CRTAC1: variants seen among roughly 807,000 people sequenced by gnomAD.
CRTAC1 encodes acidic secreted protein in cartilage.
A neutral mutation model predicts 67.8 loss-of-function variants in CRTAC1; 37 were observed. The observed-to-expected ratio is 0.55, with a 90% CI of 0.42 to 0.72. CRTAC1 has a LOEUF of 0.72. Among genes scored for constraint, CRTAC1 ranks in the 30% least tolerant of loss-of-function variants. CRTAC1 has a pLI of 0.00. For missense variants in CRTAC1, 780 were observed against 931.6 expected, an observed-to-expected ratio of 0.84 and a Z score of 2.12; for synonymous variants, 348 against 371.0, an observed-to-expected ratio of 0.94 and a Z score of 0.71.
intron 11 of CRTAC1, among the ~76,000 whole-genome samples, chr10:97,885,940 T>C (rs2136543543): frequency 6.6e-6 from 1 of 152,368 alleles, no homozygotes; most frequent in Admixed American, 6.5e-5. Flanking sequence ...TGCTGTTGAA[T>C]GTATATTCGC....
chr10:97,874,807 C>A (rs992077633), intron 14 of CRTAC1, among the ~76,000 whole-genome samples: 1 of 152,102 alleles, frequency 6.6e-6, no homozygotes, highest in African/African-American at 2.4e-5. Flanking sequence ...CTCAGGGAGC[C>A]CCCCTGCCCC....
intron 6 of CRTAC1, among the ~76,000 whole-genome samples, chr10:97,906,721 A>G (rs1490657802): frequency 6.6e-6 from 1 of 152,192 alleles, no homozygotes; most frequent in Non-Finnish European, 1.5e-5. Flanking sequence ...CCAGAGAAGG[A>G]TAAGAGGTAA....
At chr10:97,906,154 G>A (rs528941617) in intron 6 of CRTAC1, among the ~76,000 whole-genome samples, 2 of 152,256 alleles carry the variant, frequency 1.3e-5, no homozygotes, top group East Asian at 1.9e-4. Context: ...GTCCTCCTGG[G>A]GGAGAGAAGG....
intron 2 of CRTAC1, among the ~76,000 whole-genome samples, chr10:97,944,968 A>T (rs1331148109): frequency 6.6e-6 from 1 of 152,224 alleles, no homozygotes; most frequent in African/African-American, 2.4e-5. Context: ...TGTCACATGG[A>T]GCAGAAGAAC....
intron 8 of CRTAC1, among the ~76,000 whole-genome samples, chr10:97,900,937 T>C (rs1364700720): frequency 7.2e-6 from 1 of 138,674 alleles, no homozygotes; most frequent in Non-Finnish European, 1.5e-5. Context: ...TAGCCCCTTT[T>C]CCTGGTAGTG....
At chr10:98,007,537 A>G (rs1378094426) in intron 2 of CRTAC1, among the ~76,000 whole-genome samples, 2 of 152,346 alleles carry the variant, frequency 1.3e-5, no homozygotes, top group East Asian at 3.9e-4. Context: ...CAATTTTGCC[A>G]TCCTGTCTTC....
intron 1 of CRTAC1, among the ~76,000 whole-genome samples, chr10:98,019,263 G>C (rs549421391): frequency 4.6e-5 from 7 of 152,112 alleles, no homozygotes; most frequent in Non-Finnish European, 2.9e-5. Flanking sequence ...TACAGACCCC[G>C]CCGCCTGGCT....
chr10:98,028,240 T>C (rs1343442695), intron 1 of CRTAC1, among the ~76,000 whole-genome samples: 1 of 152,210 alleles, frequency 6.6e-6, no homozygotes, highest in Non-Finnish European at 1.5e-5. Flanking sequence ...GGTAGAAGGA[T>C]TCCAAGTACG....
At chr10:97,946,984 T>C (rs1374003566) in intron 2 of CRTAC1, among the ~76,000 whole-genome samples, 1 of 152,218 alleles carries the variant, frequency 6.6e-6, no homozygotes, top group Non-Finnish European at 1.5e-5. Flanking sequence ...AACTGCTTGG[T>C]CACAAAACAC....
At chr10:97,989,617 C>G (rs957005864) in intron 2 of CRTAC1, among the ~76,000 whole-genome samples, 14 of 152,178 alleles carry the variant, frequency 9.2e-5, no homozygotes, top group Admixed American at 3.9e-4. Flanking sequence ...TGTGGTTCAC[C>G]TTTGGCCAAA....
intron 2 of CRTAC1, among the ~76,000 whole-genome samples, chr10:97,961,121 T>C (rs901136683): frequency 1.7e-4 from 26 of 152,186 alleles, no homozygotes; most frequent in African/African-American, 6.3e-4. Flanking sequence ...AGAATGGTCT[T>C]GTAATGGCCA....
chr10:97,969,117 A>AT (rs2051665165), intron 2 of CRTAC1, among the ~76,000 whole-genome samples: 1 of 152,052 alleles, frequency 6.6e-6, no homozygotes, highest in African/African-American at 2.4e-5. Context: ...CTTAACACTG[A>AT]TATGTCTTCA....
chr10:97,876,560 G>A (rs1402090166), intron 14 of CRTAC1, among the ~76,000 whole-genome samples: 1 of 152,250 alleles, frequency 6.6e-6, no homozygotes, highest in Middle Eastern at 3.4e-3. Flanking sequence ...GCCTGGTGCA[G>A]GCAGGTGGGG....
intron 2 of CRTAC1, among the ~76,000 whole-genome samples, chr10:97,969,521 T>G (rs758249838): frequency 6.6e-6 from 1 of 152,202 alleles, no homozygotes; most frequent in Admixed American, 6.5e-5. Flanking sequence ...CTTTGCTTGT[T>G]GATGATGACT....
intron 7 of CRTAC1, 82 bp downstream of exon 7, chr10:97,904,587 T>G: frequency 3.6e-6 from 5 of 1,372,736 alleles, no homozygotes; most frequent in South Asian, 1.7e-5. Context: ...ACCTGGCCAA[T>G]TTTTGGTATT....
chr10:97,908,246 G>T, intron 5 of CRTAC1, 99 bp from the exon 6 acceptor site: 1 of 1,350,358 alleles, frequency 7.4e-7, no homozygotes, highest in Non-Finnish European at 1.0e-6. Context: ...CTGCAGCAGA[G>T]GCTCCTCAGA....
chr10:97,969,961 T>C (rs769023332), intron 2 of CRTAC1, among the ~76,000 whole-genome samples: 5 of 152,134 alleles, frequency 3.3e-5, no homozygotes, highest in Non-Finnish European at 5.9e-5. Context: ...GACTCATATA[T>C]CCAACTGCCT....
intron 2 of CRTAC1, among the ~76,000 whole-genome samples, chr10:97,974,855 G>A (rs1243006788): frequency 1.3e-5 from 2 of 152,176 alleles, no homozygotes; most frequent in Non-Finnish European, 2.9e-5. Context: ...AAGAGTCTGC[G>A]AGGCTGAATG....
intron 1 of CRTAC1, among the ~76,000 whole-genome samples, chr10:98,015,475 A>C (rs1272902697): frequency 6.6e-6 from 1 of 152,210 alleles, no homozygotes; most frequent in African/African-American, 2.4e-5. Flanking sequence ...ACTAAAGTAT[A>C]TACTTAAATA....
Sources: allele counts gnomAD v4.1 joint callset (sites outside exome capture counted in the v4.1 genomes callset), GRCh38; gene constraint gnomAD v4.1.1; transcripts MANE v1.5; gene names NCBI Gene and HGNC (gene_info 2026-07-23, HGNC 2026-07-21).